NRIP1: variants seen among roughly 807,000 people sequenced by gnomAD.
NRIP1 encodes nuclear receptor interacting protein 1.
NRIP1 carries 28 observed loss-of-function variants against 75.0 expected under a neutral mutation model. The observed-to-expected ratio is 0.37, with a 90% CI of 0.28 to 0.51. NRIP1 has a LOEUF of 0.51. NRIP1 is among the 20% of genes least tolerant of loss of function. The pLI is 0.92. For synonymous variants in NRIP1, 526 were observed against 487.6 expected (o/e 1.08, Z -1.04); for missense variants, 1,435 against 1,343.7 (o/e 1.07, Z -1.06).
At chr21:14,994,403 G>C (rs2087662006) in intron 3 of NRIP1, among the ~76,000 whole-genome samples, 1 of 152,190 alleles carries the variant, frequency 6.6e-6, no homozygotes, top group Non-Finnish European at 1.5e-5. Flanking sequence ...GGGATTACAT[G>C]CAAATTGCAA....
At chr21:15,028,017 G>A (rs1397031847) in intron 2 of NRIP1, among the ~76,000 whole-genome samples, 1 of 152,070 alleles carries the variant, frequency 6.6e-6, no homozygotes, top group Non-Finnish European at 1.5e-5. Context: ...AATAACCACT[G>A]CATGTAGTAT....
chr21:15,019,470 CTTTTTTTTTTTTTTTTTTTT>C (rs539278321), intron 2 of NRIP1, among the ~76,000 whole-genome samples: 7 of 38,694 alleles, frequency 1.8e-4, no homozygotes, highest in Admixed American at 1.5e-3. Context: ...AACTGCATTT[CTTTTTTTTTTTTTTTTTTTT>C]TTTTTTTTTT....
chr21:14,981,385 C>T (rs79209829), intron 3 of NRIP1, among the ~76,000 whole-genome samples: 236 of 152,338 alleles, frequency 1.5e-3, no homozygotes, highest in African/African-American at 5.3e-3. Flanking sequence ...CCAGTAAATG[C>T]TAATCTGAGA....
chr21:15,004,150 C>T (rs1460653409), intron 3 of NRIP1, among the ~76,000 whole-genome samples: 2 of 152,150 alleles, frequency 1.3e-5, no homozygotes, highest in Non-Finnish European at 2.9e-5. Flanking sequence ...TTCATTCTAA[C>T]TTGTTTTCAC....
At position 14,964,779 on chromosome 21, in the gene NRIP1, G is replaced by A. The variant is rs751193971; in HGVS notation, c.3414C>T (p.Ser1138=). Residue 1138 remains serine (S), a synonymous_variant, in exon 4 of 4, where the codon AGC becomes AGT. Coordinates refer to ENST00000318948, the MANE Select transcript of NRIP1 (RefSeq NM_003489.4). ...HMGNNASRPH[S]ANGEVYGLLG... is the part of the protein sequence containing the mutation. ...GAAGTCCATAAACTTCTCCATTTGCGCTGTGTGGGCGAGAAGCATTATTTC... is the reference window on the plus strand; with the variant it reads ...GAAGTCCATAAACTTCTCCATTTGCACTGTGTGGGCGAGAAGCATTATTTC... 194 of 1,597,544 alleles carry A rather than the reference G, an allele frequency of 1.2e-4. 1 individual carries two copies. In the Admixed American group the frequency reaches 3.3e-3, roughly 27 times the overall value.
At chr21:14,991,962 T>TC (rs1286766573) in intron 3 of NRIP1, among the ~76,000 whole-genome samples, 2 of 152,214 alleles carry the variant, frequency 1.3e-5, no homozygotes, top group African/African-American at 2.4e-5. Context: ...ATCTTTTTTT[T>TC]CCTTTTCCCC....
At chr21:15,024,412 G>T (rs545528903) in intron 2 of NRIP1, among the ~76,000 whole-genome samples, 1 of 152,000 alleles carries the variant, frequency 6.6e-6, no homozygotes, top group African/African-American at 2.4e-5. Flanking sequence ...TGTGGTGGCA[G>T]TCACCTGTAA....
chr21:15,004,648 T>G (rs546742101), intron 3 of NRIP1, among the ~76,000 whole-genome samples: 1 of 152,380 alleles, frequency 6.6e-6, no homozygotes, highest in East Asian at 1.9e-4. Flanking sequence ...TCATTGTGCC[T>G]TAAAATGTCA....
intron 3 of NRIP1, chr21:15,002,395 G>A (rs1016159583): frequency 1.3e-5 from 2 of 152,068 alleles, no homozygotes; most frequent in Admixed American, 6.6e-5. Flanking sequence ...CGTGTACAAG[G>A]GCACAGGATT....
chr21:14,987,749 C>G (rs376922828), intron 3 of NRIP1, among the ~76,000 whole-genome samples: 1 of 152,166 alleles, frequency 6.6e-6, no homozygotes, highest in African/African-American at 2.4e-5. Flanking sequence ...CACCCTTCCT[C>G]GAATGAAATA....
chr21:15,055,332 T>C (rs888183124), intron 1 of NRIP1, among the ~76,000 whole-genome samples: 2 of 152,212 alleles, frequency 1.3e-5, no homozygotes, highest in Non-Finnish European at 2.9e-5. Flanking sequence ...TGCAAATAAA[T>C]AGCAAGTCTC....
intron 1 of NRIP1, among the ~76,000 whole-genome samples, chr21:15,053,156 C>T (rs995659119): frequency 9.2e-5 from 14 of 152,036 alleles, no homozygotes; most frequent in African/African-American, 2.7e-4. Context: ...AAAGCAAGAT[C>T]GTTTAGAGTA....
chr21:15,024,954 G>T (rs749801641), intron 2 of NRIP1, among the ~76,000 whole-genome samples: 1 of 152,074 alleles, frequency 6.6e-6, no homozygotes, highest in African/African-American at 2.4e-5. Context: ...AGCAAATCAA[G>T]ACCAATAAGA....
chr21:15,022,396 G>C (rs190686353), intron 2 of NRIP1, among the ~76,000 whole-genome samples: 8 of 152,132 alleles, frequency 5.3e-5, no homozygotes, highest in African/African-American at 1.2e-4. Context: ...TGGGAGGTGT[G>C]GGGGGAGGGA....
intron 3 of NRIP1, among the ~76,000 whole-genome samples, chr21:14,969,309 G>A (rs2086843189): frequency 6.6e-6 from 1 of 152,160 alleles, no homozygotes; most frequent in South Asian, 2.1e-4. Context: ...TGTGCTCTAT[G>A]GAGAAGTCTT....
chr21:15,033,791 G>A (rs899945812), intron 2 of NRIP1, among the ~76,000 whole-genome samples: 10 of 152,162 alleles, frequency 6.6e-5, no homozygotes, highest in Non-Finnish European at 1.2e-4. Flanking sequence ...GTAAATCTGG[G>A]ATTCAAACTC....
At chr21:15,063,683 A>G (rs1978539604) in intron 1 of NRIP1, among the ~76,000 whole-genome samples, 1 of 152,232 alleles carries the variant, frequency 6.6e-6, no homozygotes, top group African/African-American at 2.4e-5. Context: ...GTAATCATTT[A>G]CAATACCAGA....
intron 2 of NRIP1, among the ~76,000 whole-genome samples, chr21:15,028,633 G>C (rs1252003264): frequency 1.3e-5 from 2 of 152,134 alleles, no homozygotes; most frequent in Non-Finnish European, 2.9e-5. Context: ...TAAATGTACA[G>C]TGTACAAATG....
intron 1 of NRIP1, among the ~76,000 whole-genome samples, chr21:15,058,480 A>G: frequency 6.6e-6 from 1 of 152,212 alleles, no homozygotes; most frequent in East Asian, 1.9e-4. Context: ...TATAATATAA[A>G]CTCATAAATT....
Sources: allele counts gnomAD v4.1 joint callset (sites outside exome capture counted in the v4.1 genomes callset), GRCh38; gene constraint gnomAD v4.1.1; transcripts MANE v1.5; gene names NCBI Gene and HGNC (gene_info 2026-07-23, HGNC 2026-07-21).